Variants in HIP1 observed in about 807,000 individuals in gnomAD.
HIP1 encodes huntingtin-interacting protein 1.
In HIP1, 65 loss-of-function variants were observed where a neutral mutation model predicts 147.6. That is an observed-to-expected ratio of 0.44 (90% CI 0.36 to 0.54). HIP1 has a LOEUF of 0.54. Among genes scored for constraint, HIP1 ranks in the 20% least tolerant of loss-of-function variants. The probability of loss-of-function intolerance (pLI) is 0.00; values close to 1 mark genes in which losing one functional copy is unlikely to be tolerated. For synonymous variants in HIP1, 479 were observed against 504.0 expected, an observed-to-expected ratio of 0.95 and a Z score of 0.67; for missense variants, 1,061 against 1,299.6, an observed-to-expected ratio of 0.82 and a Z score of 2.82.
chr7:75,609,580 A>T (rs1554504448), intron 1 of HIP1, among the ~76,000 whole-genome samples: 5 of 151,156 alleles, frequency 3.3e-5, no homozygotes, highest in Non-Finnish European at 7.4e-5. Flanking sequence ...TTTTTTGAGA[A>T]CAGAGTCTTG....
intron 1 of HIP1, among the ~76,000 whole-genome samples, chr7:75,694,193 C>T (rs944280736): frequency 1.1e-4 from 17 of 152,146 alleles, no homozygotes; most frequent in Admixed American, 2.6e-4. Flanking sequence ...GCTGAGATTA[C>T]AGGCGTGAGC....
At chr7:75,653,826 G>T (rs1554512275) in intron 1 of HIP1, among the ~76,000 whole-genome samples, 1 of 152,144 alleles carries the variant, frequency 6.6e-6, no homozygotes, top group African/African-American at 2.4e-5. Context: ...CTTGTTCGTG[G>T]CTGAATCCCT....
At chr7:75,719,235 T>C (rs1448414678) in intron 1 of HIP1, among the ~76,000 whole-genome samples, 2 of 152,002 alleles carry the variant, frequency 1.3e-5, no homozygotes, top group Non-Finnish European at 2.9e-5. Flanking sequence ...CCGGGCGTGG[T>C]GGCTCATGCT....
At chr7:75,581,071 T>C (rs1216284126) in intron 7 of HIP1, among the ~76,000 whole-genome samples, 166 bp downstream of exon 7, 1 of 152,134 alleles carries the variant, frequency 6.6e-6, no homozygotes, top group Non-Finnish European at 1.5e-5. Context: ...AGAAAAATAC[T>C]GAAGAGGTTC....
At chr7:75,631,082 T>A (rs1462354304) in intron 1 of HIP1, among the ~76,000 whole-genome samples, 2 of 152,014 alleles carry the variant, frequency 1.3e-5, no homozygotes, top group Non-Finnish European at 2.9e-5. Flanking sequence ...GCTGGGAGGA[T>A]CCCTAGTAGC....
intron 2 of HIP1, among the ~76,000 whole-genome samples, chr7:75,595,369 G>T (rs1216605778): frequency 6.8e-6 from 1 of 147,180 alleles, no homozygotes; most frequent in East Asian, 2.0e-4. Flanking sequence ...TTTAGACAGG[G>T]TCTCGCTCTG....
chr7:75,659,924 G>A (rs1295896946), intron 1 of HIP1, among the ~76,000 whole-genome samples: 3 of 151,480 alleles, frequency 2.0e-5, no homozygotes, highest in Admixed American at 6.6e-5. Flanking sequence ...TCAAGAGATC[G>A]AGACCATCCT....
chr7:75,629,833 C>T (rs1229101930), intron 1 of HIP1, among the ~76,000 whole-genome samples: 2 of 152,120 alleles, frequency 1.3e-5, no homozygotes, highest in South Asian at 2.1e-4. Flanking sequence ...TGAGCCACTG[C>T]GCCCGGCCTG....
chr7:75,589,275 C>T (rs1444232798), intron 4 of HIP1, among the ~76,000 whole-genome samples: 3 of 151,874 alleles, frequency 2.0e-5, no homozygotes, highest in Non-Finnish European at 4.4e-5. Flanking sequence ...AAACTGAAGG[C>T]TAGAGTTGAT....
chr7:75,601,076 T>A (rs781883500), intron 1 of HIP1, among the ~76,000 whole-genome samples: 6 of 151,984 alleles, frequency 3.9e-5, no homozygotes, highest in Non-Finnish European at 7.4e-5. Flanking sequence ...CCTTTAAACT[T>A]TTAGGTGTGA....
chr7:75,714,532 A>G (rs1029601687), intron 1 of HIP1, among the ~76,000 whole-genome samples: 4 of 149,700 alleles, frequency 2.7e-5, no homozygotes, highest in African/African-American at 7.4e-5. Context: ...GGCTCACTGC[A>G]ACCACTGCCT....
rs587613676 is a variant in HIP1 at position 75,543,332 on chromosome 7, G to A, written c.2767-358C>T. On this transcript the variant is annotated intron_variant, in intron 27 of 30. Transcript: ENST00000336926. Reference sequence around the variant, plus strand: ...CACACTTTACATGAGAATCAGTTGGGGGCATTGATGATATTGATTCAAAAA... The same window carrying A: ...CACACTTTACATGAGAATCAGTTGGAGGCATTGATGATATTGATTCAAAAA... 1.4e-4 allele frequency among the ~76,000 whole-genome samples: 22 copies of A among 152,098 alleles called. 1 individual carries two copies. In the South Asian group the frequency reaches 4.6e-3, roughly 32 times the overall value.
At chr7:75,548,244 G>T (rs587707752) in intron 23 of HIP1, among the ~76,000 whole-genome samples, 1 of 152,064 alleles carries the variant, frequency 6.6e-6, no homozygotes, top group East Asian at 1.9e-4. Context: ...GTCCAGGCTG[G>T]TCTCAAACTC....
At chr7:75,662,486 G>C (rs1584930251) in intron 1 of HIP1, among the ~76,000 whole-genome samples, 1 of 152,014 alleles carries the variant, frequency 6.6e-6, no homozygotes, top group Non-Finnish European at 1.5e-5. Flanking sequence ...CTGGAAAGAG[G>C]CTTTTATTTA....
chr7:75,601,273 C>A (rs954009682), intron 1 of HIP1, among the ~76,000 whole-genome samples: 13 of 151,328 alleles, frequency 8.6e-5, no homozygotes, highest in African/African-American at 3.2e-4. Flanking sequence ...ACAACCAGAC[C>A]AGACTAACAC....
At chr7:75,556,604 G>C (rs1795014666) in intron 17 of HIP1, 106 bp downstream of exon 17, 1 of 726,552 alleles carries the variant, frequency 1.4e-6, no homozygotes, top group Non-Finnish European at 2.4e-6. Context: ...AGGATCACCT[G>C]AGCCCAGGGA....
intron 1 of HIP1, among the ~76,000 whole-genome samples, chr7:75,689,589 T>C (rs1554517930): frequency 1.3e-5 from 2 of 152,220 alleles, no homozygotes; most frequent in African/African-American, 4.8e-5. Context: ...TGTGTGTTCA[T>C]AGATATACAT....
intron 1 of HIP1, chr7:75,733,313 T>C (rs896504470): frequency 5.2e-5 from 8 of 152,582 alleles, no homozygotes. Context: ...TGATAATGAC[T>C]GACCACCGTG....
At chr7:75,738,446 C>T (rs1243227617) in intron 1 of HIP1, among the ~76,000 whole-genome samples, 5 of 152,148 alleles carry the variant, frequency 3.3e-5, no homozygotes, top group African/African-American at 9.6e-5. Flanking sequence ...AAGTGGCTCC[C>T]GTGCGCTTCC....
Sources: gnomAD v4.1 joint callset for allele counts (sites outside exome capture counted in the v4.1 genomes callset) on GRCh38, gnomAD v4.1.1 for gene constraint, MANE v1.5 for transcripts, NCBI Gene and HGNC (gene_info 2026-07-23, HGNC 2026-07-21) for gene names.